PRKG1: variants seen among roughly 807,000 people sequenced by gnomAD.
PRKG1 encodes cGMP-dependent protein kinase 1.
A neutral mutation model predicts 88.1 loss-of-function variants in PRKG1; 35 were observed. That is an observed-to-expected ratio of 0.40 (90% confidence interval 0.30 to 0.53). The LOEUF is 0.53. Among genes scored for constraint, PRKG1 ranks in the 20% least tolerant of loss-of-function variants. PRKG1 has a pLI of 0.59. For missense variants in PRKG1, 540 were observed against 839.8 expected, an observed-to-expected ratio of 0.64 and a Z score of 4.41; for synonymous variants, 303 against 292.5, an observed-to-expected ratio of 1.04 and a Z score of -0.37.
At chr10:52,055,304 T>C (rs1846084249) in intron 6 of PRKG1, among the ~76,000 whole-genome samples, 1 of 152,210 alleles carries the variant, frequency 6.6e-6, no homozygotes, top group South Asian at 2.1e-4. Flanking sequence ...TGCTGAATAC[T>C]CTGAGGATGA....
At chr10:51,503,371 A>G (rs1030347490) in intron 3 of PRKG1, among the ~76,000 whole-genome samples, 5 of 152,198 alleles carry the variant, frequency 3.3e-5, no homozygotes, top group Non-Finnish European at 7.3e-5. Context: ...ATGAAATCCT[A>G]GGTGACAACT....
rs190927996 is a variant in PRKG1 at position 51,768,151 on chromosome 10, T to G, written c.593-36434T>G. 3.8e-3 allele frequency among the ~76,000 whole-genome samples: 579 copies of G among 152,266 alleles called. 4 individuals carry two copies. Among genetic ancestry groups the G allele is most frequent in the African/African-American group, 0.013 (556 of 41,566 alleles). On this transcript the variant is annotated intron_variant, in intron 3 of 17. Coordinates refer to ENST00000373980, the MANE Select transcript of PRKG1 (RefSeq NM_006258.4). Reference sequence around the variant, plus strand: ...TGTAGTTGTTTTCATGAAATGCAGATTTTTGCTGCTTCAGGGGAAAAATAT... The same window carrying G: ...TGTAGTTGTTTTCATGAAATGCAGAGTTTTGCTGCTTCAGGGGAAAAATAT...
chr10:51,223,989 T>C (rs150881984), intron 2 of PRKG1, among the ~76,000 whole-genome samples: 346 of 152,264 alleles, frequency 2.3e-3, no homozygotes, highest in African/African-American at 8.0e-3. Context: ...CTCTTCTACA[T>C]GCCCATCCTG....
At chr10:52,150,180 A>ATTATTATT (rs1554810280) in intron 8 of PRKG1, among the ~76,000 whole-genome samples, 1,978 of 137,176 alleles carry the variant, frequency 0.014, 38 homozygotes, top group African/African-American at 0.05. Flanking sequence ...TAATAATAAT[A>ATTATTATT]ATAATTTGAT....
intron 5 of PRKG1, among the ~76,000 whole-genome samples, chr10:52,025,430 G>C (rs928228354): frequency 2.6e-4 from 40 of 151,962 alleles, no homozygotes. Context: ...GTATTGCCTT[G>C]GTTTTCTTCT....
At chr10:51,272,749 G>A (rs886585269) in intron 2 of PRKG1, among the ~76,000 whole-genome samples, 11 of 152,074 alleles carry the variant, frequency 7.2e-5, no homozygotes, top group South Asian at 2.1e-4. Context: ...GCCTCTGTGC[G>A]GGTGATCCAT....
intron 2 of PRKG1, among the ~76,000 whole-genome samples, chr10:51,215,034 G>A (rs751976589): frequency 6.6e-5 from 10 of 152,124 alleles, no homozygotes; most frequent in African/African-American, 1.9e-4. Context: ...AAGTTACAGC[G>A]TGGGCGGCTA....
intron 3 of PRKG1, among the ~76,000 whole-genome samples, chr10:51,523,539 C>T (rs1003373016): frequency 6.6e-6 from 1 of 152,140 alleles, no homozygotes; most frequent in African/African-American, 2.4e-5. Flanking sequence ...TACTGTTTCT[C>T]TCTTAACAAA....
Position 51,336,024 on chromosome 10 carries a change from G to A in PRKG1, c.479-131699G>A, listed in dbSNP as rs551881647. 6.4e-4 allele frequency among the ~76,000 whole-genome samples: 98 copies of A among 152,240 alleles called. No individual in the cohort carries two copies. In the Middle Eastern group the frequency reaches 0.024, roughly 37 times the overall value. On this transcript the variant is annotated intron_variant, in intron 2 of 17. Transcript: ENST00000373980. ...AAGATATGTTTGAAATAAAAAGTAG[G>A]AAAGAATGTTAGAATACCAAAAATC...
chr10:51,139,958 A>G (rs528198076), intron 1 of PRKG1, among the ~76,000 whole-genome samples: 1 of 152,346 alleles, frequency 6.6e-6, no homozygotes, highest in East Asian at 1.9e-4. Flanking sequence ...GACCATGTCT[A>G]AAACAGACTC....
intron 5 of PRKG1, among the ~76,000 whole-genome samples, chr10:52,047,662 C>T (rs1228742382): frequency 6.6e-6 from 1 of 152,010 alleles, no homozygotes; most frequent in Non-Finnish European, 1.5e-5. Flanking sequence ...TGCTGGTTGC[C>T]TACCTTACTA....
At chr10:52,034,156 T>A (rs1197409218) in intron 5 of PRKG1, among the ~76,000 whole-genome samples, 7 of 152,202 alleles carry the variant, frequency 4.6e-5, no homozygotes, top group African/African-American at 7.2e-5. Flanking sequence ...TGGGCGTACA[T>A]GTGCAAATCA....
upstream of PRKG1, among the ~76,000 whole-genome samples, chr10:51,071,715 G>A (rs181933001): frequency 6.6e-6 from 1 of 152,052 alleles, no homozygotes; most frequent in Admixed American, 6.5e-5. Flanking sequence ...AATATTTTTG[G>A]TTTTTTTATT....
chr10:51,969,550 C>G (rs2133086592), intron 5 of PRKG1, among the ~76,000 whole-genome samples: 1 of 152,118 alleles, frequency 6.6e-6, no homozygotes, highest in East Asian at 1.9e-4. Flanking sequence ...TATGAAAGAA[C>G]TTTTACAAAT....
intron 2 of PRKG1, among the ~76,000 whole-genome samples, chr10:51,217,219 A>ATAAAAATT: frequency 6.6e-6 from 1 of 152,280 alleles, no homozygotes; most frequent in South Asian, 2.1e-4. Flanking sequence ...TTTCATAGAT[A>ATAAAAATT]TAAAAATTAC....
At chr10:51,172,636 GTATGTATGTATGTATCTATCTATCTATC>G (rs1252982365) in intron 2 of PRKG1, among the ~76,000 whole-genome samples, 34 of 76,126 alleles carry the variant, frequency 4.5e-4, no homozygotes, top group African/African-American at 1.0e-3. Flanking sequence ...ATGTATGTAT[GTATGTATGTATGTATCTATCTATCTATC>G]TATCTATCTA....
intron 1 of PRKG1, among the ~76,000 whole-genome samples, chr10:51,147,212 T>G (rs1326985055): frequency 6.6e-6 from 1 of 152,178 alleles, no homozygotes; most frequent in African/African-American, 2.4e-5. Context: ...TAAGTTCCAG[T>G]GTTCTATAGC....
At chr10:51,830,883 G>A (rs1371296297) in intron 4 of PRKG1, among the ~76,000 whole-genome samples, 1 of 151,852 alleles carries the variant, frequency 6.6e-6, no homozygotes, top group Non-Finnish European at 1.5e-5. Flanking sequence ...ATAAAAAGCT[G>A]TTTATCATAA....
At chr10:51,517,946 C>T (rs917935681) in intron 3 of PRKG1, among the ~76,000 whole-genome samples, 38 of 152,120 alleles carry the variant, frequency 2.5e-4, no homozygotes, top group African/African-American at 9.2e-4. Flanking sequence ...CCTAAGGAAC[C>T]TCTGGTTAAA....
Sources: allele counts gnomAD v4.1 joint callset (sites outside exome capture counted in the v4.1 genomes callset), GRCh38; gene constraint gnomAD v4.1.1; transcripts MANE v1.5; gene names NCBI Gene and HGNC (gene_info 2026-07-23, HGNC 2026-07-21).